CNTNAP5: variants seen among roughly 807,000 people sequenced by gnomAD.
The protein encoded by CNTNAP5 is contactin-associated protein-like 5.
In CNTNAP5, 72 loss-of-function variants were observed where a neutral mutation model predicts 150.2. The observed-to-expected ratio is 0.48, with a 90% CI of 0.40 to 0.58. The LOEUF (loss-of-function observed/expected upper bound fraction) is 0.58. Ranked by LOEUF, CNTNAP5 falls within the 20% of genes least tolerant of loss-of-function variation. The pLI, the probability that CNTNAP5 is intolerant of heterozygous loss-of-function variation, is 0.00. For synonymous variants in CNTNAP5, 672 were observed against 619.8 expected (o/e 1.08, Z -1.25); for missense variants, 1,636 against 1,626.2 (o/e 1.01, Z -0.10).
chr2:124,114,223 T>C (rs75991753), intron 1 of CNTNAP5, among the ~76,000 whole-genome samples: 3,015 of 152,124 alleles, frequency 0.02, 48 homozygotes, highest in Non-Finnish European at 0.034. Context: ...ACTCACATTG[T>C]TACAACATTA....
chr2:124,738,233 G>A (rs1469406689), intron 13 of CNTNAP5, among the ~76,000 whole-genome samples: 2 of 152,118 alleles, frequency 1.3e-5, no homozygotes, highest in Non-Finnish European at 2.9e-5. Flanking sequence ...AGAGTTGAGA[G>A]TCCTCCCTCT....
chr2:124,780,910 A>G (rs1270523552), intron 17 of CNTNAP5, among the ~76,000 whole-genome samples: 1 of 152,248 alleles, frequency 6.6e-6, no homozygotes, highest in Non-Finnish European at 1.5e-5. Context: ...ATTGTTTTAA[A>G]TTGAAATGAC....
intron 17 of CNTNAP5, among the ~76,000 whole-genome samples, chr2:124,781,444 A>G (rs1383400799): frequency 1.3e-5 from 2 of 152,170 alleles, no homozygotes; most frequent in Non-Finnish European, 2.9e-5. Flanking sequence ...AATAAGATTA[A>G]TTTGCAGTTA....
In CNTNAP5 at chr2:124,621,438, A is replaced by G. The variant is rs1374616668; in HGVS notation, c.1876+11518A>G. Among the ~76,000 whole-genome samples, 3 of 152,282 alleles carry G rather than the reference A, an allele frequency of 2.0e-5. No individual in the cohort carries two copies. In the Middle Eastern group the frequency reaches 0.01, roughly 522 times the overall value. On this transcript the variant is annotated intron_variant, in intron 12 of 23. Coordinates refer to ENST00000682447, the MANE Select transcript of CNTNAP5 (RefSeq NM_001367498.1). The stretch of plus-strand genomic sequence containing the variant: ...TTTGCAAACCAACTTACAAGTCTCC[A>G]TATCTTGTCACTCTGGCTATTATGA...
intron 3 of CNTNAP5, among the ~76,000 whole-genome samples, chr2:124,362,653 C>T (rs1690246161): frequency 1.3e-5 from 2 of 152,094 alleles, no homozygotes; most frequent in Admixed American, 6.5e-5. Flanking sequence ...TGTAGTACTG[C>T]CTGGATAACT....
chr2:124,872,572 CT>C (rs890463565), intron 21 of CNTNAP5, among the ~76,000 whole-genome samples: 3 of 150,888 alleles, frequency 2.0e-5, no homozygotes, highest in Middle Eastern at 3.5e-3. Context: ...TAATTTCTCA[CT>C]TTTTTTTTCT....
At chr2:124,674,834 T>C (rs1003553313) in intron 13 of CNTNAP5, among the ~76,000 whole-genome samples, 4 of 152,048 alleles carry the variant, frequency 2.6e-5, no homozygotes, top group Non-Finnish European at 5.9e-5. Flanking sequence ...TTAAGAATTT[T>C]GGGTAACATA....
At position 124,077,414 on chromosome 2, in the gene CNTNAP5, CA is replaced by C. The variant is rs1201703225; in HGVS notation, c.82+51683del. Among the ~76,000 whole-genome samples the C allele has an allele frequency of 4.6e-5, 7 of 152,234 alleles. No individual in the cohort carries two copies. In the East Asian group the frequency reaches 1.4e-3, roughly 29 times the overall value. On this transcript the variant is annotated intron_variant, in intron 1 of 23. Coordinates refer to ENST00000682447, the MANE Select transcript of CNTNAP5 (RefSeq NM_001367498.1). ...AGAGATAACTCCCAAATTCAAAGTCCAGCTCTACTTTTCTGACATTTGTGTT... is the reference window on the plus strand; with the variant it reads ...AGAGATAACTCCCAAATTCAAAGTCCGCTCTACTTTTCTGACATTTGTGTT...
chr2:124,622,720 C>G (rs77219174), intron 12 of CNTNAP5, among the ~76,000 whole-genome samples: 12,447 of 152,176 alleles, frequency 0.082, 670 homozygotes, highest in African/African-American at 0.15. Flanking sequence ...CCCACACACA[C>G]TCACACACAC....
intron 7 of CNTNAP5, among the ~76,000 whole-genome samples, chr2:124,496,587 A>G (rs2104855334): frequency 6.6e-6 from 1 of 152,350 alleles, no homozygotes; most frequent in East Asian, 1.9e-4. Context: ...CAGCACAGTA[A>G]TGTAACCCTT....
chr2:124,655,875 T>A (rs1190427399), intron 13 of CNTNAP5, among the ~76,000 whole-genome samples: 2 of 145,058 alleles, frequency 1.4e-5, no homozygotes, highest in Non-Finnish European at 3.0e-5. Context: ...CACTCCAGCC[T>A]CAACAACACG....
Position 124,886,368 on chromosome 2 carries a change from G to A in CNTNAP5, c.3437-16514G>A, listed in dbSNP as rs577537851. Among the ~76,000 whole-genome samples, 6 of 152,216 alleles carry A rather than the reference G, an allele frequency of 3.9e-5. 1 individual carries two copies. Among genetic ancestry groups the A allele is most frequent in the Non-Finnish European group, 5.9e-5 (4 of 67,992 alleles). On this transcript the variant is annotated intron_variant, in intron 21 of 23. Coordinates refer to ENST00000682447, the MANE Select transcript of CNTNAP5 (RefSeq NM_001367498.1). ...TGCACTCATAGAGCACTGTGACAGT[G>A]AGCAGCTGCCTTACATCTCTTGGTT...
rs560554440 is a variant in CNTNAP5, at chr2:124,228,580, C to T, written c.187+6771C>T. 2.0e-5 allele frequency among the ~76,000 whole-genome samples: 3 copies of T among 152,244 alleles called. No homozygotes were observed. In the East Asian group the frequency reaches 5.8e-4, roughly 29 times the overall value. ...TCTGATCACCCAGGAACTAGCCAAA[C>T]CAAATGACATGTGCATTTTTCTGGA... On this transcript the variant is annotated intron_variant, in intron 2 of 23. Coordinates refer to ENST00000682447, the MANE Select transcript of CNTNAP5 (RefSeq NM_001367498.1).
At chr2:124,116,090 C>G (rs1393674661) in intron 1 of CNTNAP5, among the ~76,000 whole-genome samples, 2 of 152,128 alleles carry the variant, frequency 1.3e-5, no homozygotes, top group African/African-American at 4.8e-5. Flanking sequence ...ATTAAATGCT[C>G]TACAGGGCCA....
intron 3 of CNTNAP5, among the ~76,000 whole-genome samples, chr2:124,305,111 C>CAAAAAAAAAAAAA (rs57896748): frequency 5.8e-4 from 50 of 86,304 alleles, no homozygotes; most frequent in African/African-American, 7.8e-4. Flanking sequence ...ACAAAAAATA[C>CAAAAAAAAAAAAA]AAAAAAAAAA....
intron 19 of CNTNAP5, among the ~76,000 whole-genome samples, chr2:124,860,703 G>A (rs1378283043): frequency 6.6e-6 from 1 of 152,002 alleles, no homozygotes; most frequent in Non-Finnish European, 1.5e-5. Context: ...TGCGAGTTAG[G>A]CAAGTAAGTA....
At chr2:124,551,779 C>T (rs892535689) in intron 10 of CNTNAP5, among the ~76,000 whole-genome samples, 1 of 152,066 alleles carries the variant, frequency 6.6e-6, no homozygotes, top group Non-Finnish European at 1.5e-5. Context: ...CATTTGGTGT[C>T]CTATTCATTT....
intron 3 of CNTNAP5, among the ~76,000 whole-genome samples, chr2:124,394,548 C>T (rs1370056694): frequency 2.0e-5 from 3 of 152,034 alleles, no homozygotes; most frequent in Non-Finnish European, 4.4e-5. Context: ...GACAATTCAA[C>T]CCCAAATGGC....
intron 12 of CNTNAP5, among the ~76,000 whole-genome samples, chr2:124,642,370 G>A (rs1191138936): frequency 6.6e-6 from 1 of 152,070 alleles, no homozygotes. Context: ...CATAATACAG[G>A]CTTAAAAGAG....
Sources: gnomAD v4.1 joint callset for allele counts (sites outside exome capture counted in the v4.1 genomes callset) on GRCh38, gnomAD v4.1.1 for gene constraint, MANE v1.5 for transcripts, NCBI Gene and HGNC (gene_info 2026-07-23, HGNC 2026-07-21) for gene names.